The following ZNF215 variants were observed in gnomAD, a reference collection of about 807,000 sequenced individuals.
ZNF215 encodes zinc finger protein 215.
A neutral mutation model predicts 27.2 loss-of-function variants in ZNF215; 24 were observed. That is an observed-to-expected ratio of 0.88 (90% CI 0.64 to 1.24). The LOEUF (loss-of-function observed/expected upper bound fraction) is 1.24, where lower values mean the gene tolerates loss of function less well. Ranked by LOEUF, ZNF215 falls within the 50% of genes most tolerant of loss-of-function variation. ZNF215 has a pLI of 0.00. For synonymous variants in ZNF215, 210 were observed against 204.0 expected (o/e 1.03, Z -0.25); for missense variants, 675 against 605.7 (o/e 1.11, Z -1.20).
At chr11:6,934,485 G>C (rs891949923) in intron 3 of ZNF215, among the ~76,000 whole-genome samples, 2 of 152,066 alleles carry the variant, frequency 1.3e-5, no homozygotes, top group African/African-American at 4.8e-5. Flanking sequence ...ATCCAACACG[G>C]GTCTCCCTCA....
intron 5 of ZNF215, among the ~76,000 whole-genome samples, chr11:6,983,133 C>A (rs531956248): frequency 2.0e-5 from 3 of 151,870 alleles, no homozygotes; most frequent in African/African-American, 7.3e-5. Context: ...CAAACACCTC[C>A]ACGCAAATAA....
intron 6 of ZNF215, among the ~76,000 whole-genome samples, chr11:6,954,910 G>A (rs1850263970): frequency 6.6e-6 from 1 of 152,174 alleles, no homozygotes; most frequent in African/African-American, 2.4e-5. Flanking sequence ...TTAAAAAATT[G>A]CTAGAATATA....
intron 5 of ZNF215, among the ~76,000 whole-genome samples, chr11:6,968,525 CTT>C (rs74781650): frequency 1.3e-4 from 18 of 137,798 alleles, no homozygotes; most frequent in Admixed American, 1.4e-4. Flanking sequence ...TATATGGAGC[CTT>C]TTTTTTTTTT....
chr11:6,950,574 A>G, intron 6 of ZNF215, among the ~76,000 whole-genome samples: 1 of 150,422 alleles, frequency 6.6e-6, no homozygotes. Context: ...ATTTTTGTAC[A>G]TTGATTTTGT....
chr11:6,958,699 G>A (rs1409869308), downstream of ZNF215, among the ~76,000 whole-genome samples: 1 of 152,184 alleles, frequency 6.6e-6, no homozygotes, highest in Admixed American at 6.5e-5. Flanking sequence ...AAGCTGAGGA[G>A]CAAGGAAGCC....
intron 6 of ZNF215, among the ~76,000 whole-genome samples, chr11:6,950,460 G>T (rs1850009522): frequency 6.6e-6 from 1 of 152,062 alleles, no homozygotes; most frequent in African/African-American, 2.4e-5. Context: ...CCCTTGTAAA[G>T]TGGATTCCTA....
chr11:6,992,864 G>A (rs992291661), downstream of ZNF215, among the ~76,000 whole-genome samples: 2 of 150,956 alleles, frequency 1.3e-5, no homozygotes, highest in Admixed American at 6.6e-5. Context: ...CAACTCCATC[G>A]TAAAACCAGC....
intron 5 of ZNF215, among the ~76,000 whole-genome samples, chr11:6,978,250 A>G (rs1850874220): frequency 6.6e-6 from 1 of 152,092 alleles, no homozygotes; most frequent in African/African-American, 2.4e-5. Flanking sequence ...GCCCCTATAC[A>G]TGCAACATGG....
chr11:6,952,208 C>G (rs1804714103), intron 6 of ZNF215, among the ~76,000 whole-genome samples: 1 of 152,258 alleles, frequency 6.6e-6, no homozygotes, highest in East Asian at 1.9e-4. Flanking sequence ...AATGTACATT[C>G]TGTTGATTTG....
At chr11:6,943,772 G>A in intron 6 of ZNF215, 131 bp downstream of exon 6, 1 of 745,274 alleles carries the variant, frequency 1.3e-6, no homozygotes, top group Non-Finnish European at 2.3e-6. Context: ...AGGGGGAAAA[G>A]ACATTATTCG....
At chr11:6,932,820 G>T in intron 3 of ZNF215, 148 bp downstream of exon 3, 1 of 738,010 alleles carries the variant, frequency 1.4e-6, no homozygotes, top group Non-Finnish European at 2.1e-6. Context: ...TATTCTGTAG[G>T]TAATAGAAAT....
At chr11:6,965,366 G>A (rs905003742) in intron 5 of ZNF215, among the ~76,000 whole-genome samples, 4 of 152,064 alleles carry the variant, frequency 2.6e-5, no homozygotes, top group African/African-American at 9.7e-5. Flanking sequence ...TATAAAAGAT[G>A]TTTCCAAAGT....
At chr11:6,975,612 A>C (rs540048055) in intron 5 of ZNF215, among the ~76,000 whole-genome samples, 64 of 152,178 alleles carry the variant, frequency 4.2e-4, no homozygotes, top group Non-Finnish European at 8.7e-4. Context: ...AATAAGTGGG[A>C]ACATGTGATG....
intron 5 of ZNF215, among the ~76,000 whole-genome samples, chr11:6,980,691 G>C (rs1195207976): frequency 2.0e-5 from 3 of 151,028 alleles, no homozygotes; most frequent in Non-Finnish European, 4.4e-5. Context: ...CATGTGCCAT[G>C]CTGGTGTGCT....
At chr11:6,953,866 T>C (rs1850198522) in intron 6 of ZNF215, among the ~76,000 whole-genome samples, 1 of 152,198 alleles carries the variant, frequency 6.6e-6, no homozygotes. Flanking sequence ...CTTGGTGGTT[T>C]TATCTACTTT....
In ZNF215 at chr11:6,943,215, G is replaced by T; in HGVS notation, c.616G>T (p.Ala206Ser). 1.2e-6 allele frequency: 2 copies of T among 1,610,470 alleles called. No individual in the cohort carries two copies. The highest frequency in any genetic ancestry group is 1.7e-6 in the Non-Finnish European group (2 of 1,178,774). Residue 206 changes from alanine to serine, a missense_variant and splice_region_variant, in exon 5 of 7, where the codon GCA becomes TCA. Transcript: ENST00000278319. ...NFRNLNSLRK[A>S]HLLSKPFESL... ...TAGGAACCTGAATTCATTGCGTAAAGGTGGTTTCTATATGTTTACCTAATC... is the reference window on the plus strand; with the variant it reads ...TAGGAACCTGAATTCATTGCGTAAATGTGGTTTCTATATGTTTACCTAATC...
Position 6,926,608 on chromosome 11 carries a change from T to C in ZNF215, c.-403T>C, listed in dbSNP as rs1031391036. On this transcript the variant is annotated 5_prime_UTR_variant, in exon 1 of 7. Coordinates refer to ENST00000278319, the MANE Select transcript of ZNF215 (RefSeq NM_013250.4). ...GTTCGGCGAGGTCAGGGATTCCTAG[T>C]TGCAGCGTGATTACCAACGCCAGCT... 5 of 152,314 alleles carry C rather than the reference T, an allele frequency of 3.3e-5. No homozygotes were observed. Among genetic ancestry groups the C allele is most frequent in the African/African-American group, 1.2e-4 (5 of 41,556 alleles). The allele number at this position is 152,314 out of a possible 1,614,324, so 9.4% of individuals were successfully genotyped here. A position where few individuals can be genotyped will look rare whatever the true frequency, so the allele number is the denominator to read the frequency against.
Position 6,955,749 on chromosome 11 carries a change from G to A in ZNF215, c.772G>A (p.Glu258Lys), listed in dbSNP as rs554463896. 1.1e-4 allele frequency: 180 copies of A among 1,606,010 alleles called. 3 individuals carry two copies. In the South Asian group the frequency reaches 1.4e-3, roughly 13 times the overall value. The change falls in exon 7 of 7, where the codon GAA (glutamate) becomes AAA (lysine). Residue 258 changes from glutamate (E) to lysine (K), a missense_variant. Glu to Lys is a moderately conservative substitution (Grantham distance 56, BLOSUM62 1). Coordinates refer to ENST00000278319, the MANE Select transcript of ZNF215 (RefSeq NM_013250.4). ...TGGAGTGATTATGACAAGGCTTACC[G>A]AAAGTGGACACCCTTCTTCAGATGC... is the stretch of plus-strand genomic sequence containing the variant. ...SHGVIMTRLT[E>K]SGHPSSDAWK... is the part of the protein sequence containing the mutation.
intron 3 of ZNF215, among the ~76,000 whole-genome samples, chr11:6,934,270 C>T (rs1849363873): frequency 6.6e-6 from 1 of 152,078 alleles, no homozygotes; most frequent in Admixed American, 6.5e-5. Context: ...AAAAAGGTCA[C>T]ATTAAGATGA....
Sources: allele counts gnomAD v4.1 joint callset (sites outside exome capture counted in the v4.1 genomes callset), GRCh38; gene constraint gnomAD v4.1.1; transcripts MANE v1.5; gene names NCBI Gene and HGNC (gene_info 2026-07-23, HGNC 2026-07-21).